CEP290: variants seen among roughly 807,000 people sequenced by gnomAD.
The protein encoded by CEP290 is centrosomal protein of 290 kDa.
In CEP290, 317 loss-of-function variants were observed where a neutral mutation model predicts 344.9. That is an observed-to-expected ratio of 0.92 (90% CI 0.84 to 1.01). The LOEUF is 1.01. CEP290 is among the 50% of genes least tolerant of loss of function. The pLI, the probability that CEP290 is intolerant of heterozygous loss-of-function variation, is 0.00. For synonymous variants in CEP290, 932 were observed against 895.8 expected, an observed-to-expected ratio of 1.04 and a Z score of -0.72; for missense variants, 2,754 against 2,761.4, an observed-to-expected ratio of 1.00 and a Z score of 0.06.
chr12:88,106,408 T>C (rs903162313), intron 25 of CEP290, among the ~76,000 whole-genome samples: 11 of 152,178 alleles, frequency 7.2e-5, no homozygotes, highest in African/African-American at 2.7e-4. Flanking sequence ...TAGGCGATAT[T>C]AGAAAATTAC....
rs757356455 is a variant in CEP290, at chr12:88,086,133, G to C, written c.4343C>G (p.Pro1448Arg). 47 of 1,612,770 alleles carry C rather than the reference G, an allele frequency of 2.9e-5. No homozygotes were observed. Among genetic ancestry groups the C allele is most frequent in the Non-Finnish European group, 3.8e-5 (45 of 1,179,564 alleles). The change falls in exon 34 of 54, where the codon CCC (proline) becomes CGC (arginine). Residue 1448 changes from proline to arginine, a missense_variant. By Grantham distance (103) the Pro-to-Arg change is moderately radical. Transcript: ENST00000552810. ...AGCGATCTCAAGTTGATTTGGAAGG[G>C]GCAAACTAGGGTCAGGGATTGATCC... ...ATGSIPDPSL[P>R]LPNQLEIALR...
chr12:88,088,130 T>C (rs1006272475), intron 31 of CEP290, among the ~76,000 whole-genome samples, 186 bp from the exon 32 acceptor site: 1 of 152,184 alleles, frequency 6.6e-6, no homozygotes, highest in African/African-American at 2.4e-5. Context: ...TCTACAAATA[T>C]GTGGGATTTT....
Position 88,083,972 on chromosome 12 carries a change from G to A in CEP290, c.4705-18C>T, listed in dbSNP as rs199751805. ...CTTTGCTCCTGTTTTACAGAAAATCGAAACTATATCTTAAATTGTGATTAA... is the reference window on the plus strand; with the variant it reads ...CTTTGCTCCTGTTTTACAGAAAATCAAAACTATATCTTAAATTGTGATTAA... On this transcript the variant is annotated intron_variant, in intron 35 of 53. Coordinates refer to ENST00000552810, the MANE Select transcript of CEP290 (RefSeq NM_025114.4). 8.4e-4 allele frequency: 1,212 copies of A among 1,437,000 alleles called. 1 individual carries two copies. Among genetic ancestry groups the A allele is most frequent in the Non-Finnish European group, 1.1e-3 (1,139 of 1,039,742 alleles). The allele number at this position is 1,437,000 out of a possible 1,614,324, so 89.0% of individuals were successfully genotyped here.
chr12:88,136,804 A>G lies in CEP290; in HGVS notation c.298-18T>C. 6.2e-7 allele frequency: 1 copy of G among 1,610,758 alleles called. No homozygotes were observed. Among genetic ancestry groups the G allele is most frequent in the Non-Finnish European group, 8.5e-7 (1 of 1,177,652 alleles). ...TGAGCCATCTTAAAGTAATAAACCC[A>G]AAGTATAAATTAATCCCATTATATT... is the stretch of plus-strand genomic sequence containing the variant. On this transcript the variant is annotated intron_variant, in intron 5 of 53. Transcript: ENST00000552810.
At chr12:88,116,171 T>G (rs2039023881) in intron 18 of CEP290, 1 of 418,030 alleles carries the variant, frequency 2.4e-6, no homozygotes, top group African/African-American at 2.2e-5. Flanking sequence ...GATGGCTTCT[T>G]GACACCTTCT....
chr12:88,132,204 T>C (rs1321274321), intron 6 of CEP290, among the ~76,000 whole-genome samples: 5 of 152,212 alleles, frequency 3.3e-5, no homozygotes, highest in African/African-American at 1.2e-4. Context: ...ATTATAAACA[T>C]TATGATGCCT....
At chr12:88,128,042 A>G (rs2039839189) in intron 11 of CEP290, among the ~76,000 whole-genome samples, 1 of 152,182 alleles carries the variant, frequency 6.6e-6, no homozygotes, top group Admixed American at 6.5e-5. Context: ...CAAAGGTCAA[A>G]TCTGGCCTCC....
In CEP290 at chr12:88,086,139, C is replaced by T. The variant is rs746106679; in HGVS notation, c.4337G>A (p.Ser1446Asn). 5.6e-6 allele frequency: 9 copies of T among 1,613,114 alleles called. No homozygotes were observed. In the East Asian group the frequency reaches 1.8e-4, roughly 32 times the overall value. Residue 1446 changes from serine to asparagine, a missense_variant, in exon 34 of 54, where the codon AGT becomes AAT. By Grantham distance (46) the Ser-to-Asn change is conservative. Coordinates refer to ENST00000552810, the MANE Select transcript of CEP290 (RefSeq NM_025114.4). The stretch of plus-strand genomic sequence containing the variant: ...CTCAAGTTGATTTGGAAGGGGCAAA[C>T]TAGGGTCAGGGATTGATCCTGTAGC... ...EEATGSIPDPSLPLPNQLEIA... is the reference protein window; with the variant it reads ...EEATGSIPDPNLPLPNQLEIA...
rs1394670172 is a variant in CEP290 at position 88,079,169 on chromosome 12, T to C, written c.5287A>G (p.Ile1763Val). The C allele has an allele frequency of 6.2e-7, 1 of 1,603,790 alleles. No homozygotes were observed. Among genetic ancestry groups the C allele is most frequent in the African/African-American group, 1.3e-5 (1 of 74,414 alleles). The change falls in exon 39 of 54, where the codon ATT becomes GTT. Residue 1763 changes from isoleucine to valine, a missense_variant. Transcript: ENST00000552810. Reference protein sequence around the residue: ...AEMTAAAEERIISATSQKEAH... With the variant: ...AEMTAAAEERVISATSQKEAH... The stretch of plus-strand genomic sequence containing the variant: ...TCTTTTTGAGAAGTTGCAGAAATAA[T>C]ACGTTCTTCAGCAGCTGCTGTCATT...
intron 26 of CEP290, among the ~76,000 whole-genome samples, chr12:88,097,592 T>TAC (rs1311844030): frequency 1.5e-4 from 18 of 121,938 alleles, no homozygotes; most frequent in East Asian, 4.9e-4. Context: ...TACATATATA[T>TAC]ATACACACAC....
chr12:88,058,074 C>T (rs1374273894), intron 49 of CEP290: 1 of 152,246 alleles, frequency 6.6e-6, no homozygotes, highest in Non-Finnish European at 1.5e-5. Flanking sequence ...CAGGATCCCA[C>T]TGGTCAATGA....
intron 15 of CEP290, 132 bp from the exon 16 acceptor site, chr12:88,118,875 A>G (rs1378227246): frequency 1.7e-6 from 1 of 577,566 alleles, no homozygotes; most frequent in Non-Finnish European, 2.9e-6. Context: ...CTTTCTGTGA[A>G]AGAATTTTCC....
At position 88,125,334 on chromosome 12, in the gene CEP290, G is replaced by T; in HGVS notation, c.1101C>A (p.Leu367=). 7.6e-7 allele frequency: 1 copy of T among 1,319,620 alleles called. No homozygotes were observed. Among genetic ancestry groups the T allele is most frequent in the Non-Finnish European group, 9.9e-7 (1 of 1,005,892 alleles). The allele number at this position is 1,319,620 out of a possible 1,614,324, so 81.7% of individuals were successfully genotyped here. A position where few individuals can be genotyped will look rare whatever the true frequency, so the allele number is the denominator to read the frequency against. The change falls in exon 13 of 54, where the codon CTC becomes CTA. Residue 367 remains leucine, a synonymous_variant. Transcript: ENST00000552810. Reference sequence around the variant, plus strand: ...TTGTATATTGTTCTACTTGTTCGGTGAGCATCTTAATTTGACTGTCTCGTT... The same window carrying T: ...TTGTATATTGTTCTACTTGTTCGGTTAGCATCTTAATTTGACTGTCTCGTT... ...IQERDSQIKM[L]TEQVEQYTKE...
At chr12:88,092,557 G>A in intron 29 of CEP290, 124 bp downstream of exon 29, 2 of 729,056 alleles carry the variant, frequency 2.7e-6, no homozygotes, top group Middle Eastern at 3.3e-4. Flanking sequence ...ACTTAATCCT[G>A]TTCTTATAAA....
chr12:88,117,245 G>T, intron 17 of CEP290, 100 bp from the exon 18 acceptor site: 1 of 604,322 alleles, frequency 1.7e-6, no homozygotes, highest in Non-Finnish European at 2.8e-6. Flanking sequence ...TTAATGCAAA[G>T]GTAGAATAAT....
At chr12:88,054,475 G>T (rs2033840726) in intron 50 of CEP290, 62 bp from the exon 51 acceptor site, 1 of 1,248,664 alleles carries the variant, frequency 8.0e-7, no homozygotes, top group Non-Finnish European at 1.1e-6. Context: ...GATTTATAAA[G>T]ATACACATTT....
intron 47 of CEP290, among the ~76,000 whole-genome samples, chr12:88,060,384 C>T (rs533062341): frequency 6.6e-6 from 1 of 152,212 alleles, no homozygotes; most frequent in South Asian, 2.1e-4. Flanking sequence ...ATGGTGAAAC[C>T]CCATCTCTAC....
chr12:88,071,660 T>A (rs1044033893), intron 42 of CEP290, 121 bp downstream of exon 42: 1 of 880,800 alleles, frequency 1.1e-6, no homozygotes, highest in Admixed American at 3.4e-5. Flanking sequence ...AAATCATAGA[T>A]AATAAATGAT....
At chr12:88,113,104 A>G (rs1045052729) in intron 20 of CEP290, among the ~76,000 whole-genome samples, 2 of 152,148 alleles carry the variant, frequency 1.3e-5, no homozygotes, top group African/African-American at 4.8e-5. Flanking sequence ...TGAAAAAACA[A>G]TGACAATCCC....
Sources: allele counts gnomAD v4.1 joint callset (sites outside exome capture counted in the v4.1 genomes callset), GRCh38; gene constraint gnomAD v4.1.1; transcripts MANE v1.5; gene names NCBI Gene and HGNC (gene_info 2026-07-23, HGNC 2026-07-21).